Variants in SDK1 observed in about 807,000 individuals in gnomAD.
The protein encoded by SDK1 is sidekick cell adhesion molecule 1, also known as protein sidekick-1.
A neutral mutation model predicts 245.5 loss-of-function variants in SDK1; 157 were observed. The ratio of observed to expected loss-of-function variants is 0.64; its 90% CI spans 0.56 to 0.73. The LOEUF is 0.73. Among genes scored for constraint, SDK1 ranks in the 30% least tolerant of loss-of-function variants. SDK1 has a pLI of 0.00. For missense variants in SDK1, 3,583 were observed against 3,002.3 expected (o/e 1.19, Z -4.52); for synonymous variants, 1,647 against 1,278.5 (o/e 1.29, Z -6.15).
intron 13 of SDK1, chr7:3,974,775 G>T (rs552579166): frequency 1.5e-5 from 7 of 472,164 alleles, no homozygotes; most frequent in Admixed American, 1.1e-4. Context: ...GTGATCATTG[G>T]TTTTTATTTC....
intron 4 of SDK1, among the ~76,000 whole-genome samples, chr7:3,733,135 A>G (rs955437681): frequency 6.6e-6 from 1 of 152,226 alleles, no homozygotes; most frequent in African/African-American, 2.4e-5. Context: ...TTTCTTGGAA[A>G]GAACGTTAGG....
chr7:3,986,707 A>G (rs1307740898), intron 13 of SDK1, among the ~76,000 whole-genome samples: 5 of 152,160 alleles, frequency 3.3e-5, no homozygotes, highest in Admixed American at 6.5e-5. Flanking sequence ...CTAAAAATAC[A>G]AAAATTAGCT....
intron 1 of SDK1, among the ~76,000 whole-genome samples, chr7:3,551,954 A>C (rs1269540925): frequency 6.6e-6 from 1 of 152,208 alleles, no homozygotes; most frequent in Non-Finnish European, 1.5e-5. Context: ...TTAATTGAGA[A>C]AATTAAGTAT....
chr7:3,448,292 A>G (rs563711778), intron 1 of SDK1, among the ~76,000 whole-genome samples: 6 of 152,024 alleles, frequency 3.9e-5, no homozygotes, highest in Non-Finnish European at 7.4e-5. Flanking sequence ...TTTATTGGCC[A>G]TTTCAGTTTT....
At chr7:3,463,016 C>G (rs1442953491) in intron 1 of SDK1, among the ~76,000 whole-genome samples, 1 of 152,176 alleles carries the variant, frequency 6.6e-6, no homozygotes, top group Non-Finnish European at 1.5e-5. Context: ...CCCTTCCTTT[C>G]CTCTGAGAGG....
intron 4 of SDK1, among the ~76,000 whole-genome samples, chr7:3,788,172 C>T (rs566544662): frequency 2.0e-5 from 3 of 152,236 alleles, no homozygotes; most frequent in East Asian, 3.9e-4. Flanking sequence ...AGAGAGTGCT[C>T]GGGCACCAGC....
At chr7:3,959,779 A>G (rs1473751354) in intron 8 of SDK1, among the ~76,000 whole-genome samples, 1 of 151,976 alleles carries the variant, frequency 6.6e-6, no homozygotes, top group Non-Finnish European at 1.5e-5. Flanking sequence ...TAGTATTTGA[A>G]TAGGAAATGT....
At chr7:3,588,217 G>T (rs114020407) in intron 1 of SDK1, among the ~76,000 whole-genome samples, 4 of 152,168 alleles carry the variant, frequency 2.6e-5, no homozygotes, top group Admixed American at 2.0e-4. Context: ...AAACATACCT[G>T]TTACTTAGGT....
chr7:4,265,352 A>C lies in SDK1; in HGVS notation c.6610A>C (p.Thr2204Pro). 1.4e-6 allele frequency: 2 copies of C among 1,457,420 alleles called. No homozygotes were observed. Among genetic ancestry groups the C allele is most frequent in the Non-Finnish European group, 1.8e-6 (2 of 1,117,750 alleles). 90.3% of individuals were successfully genotyped at this position (1,457,420 alleles called of 1,614,324 possible). A position where few individuals can be genotyped will look rare whatever the true frequency, so the allele number is the denominator to read the frequency against. The change falls in exon 45 of 45, where the codon ACT becomes CCT. Residue 2204 changes from threonine to proline, a missense_variant. By Grantham distance (38) the Thr-to-Pro change is conservative (BLOSUM62 -1). Coordinates refer to ENST00000404826, the MANE Select transcript of SDK1 (RefSeq NM_152744.4). ...CACCCCCGCTGGCCCCGGCGCGCGA[A>C]CTCCGCTCACCGGCTTCTCCTCCTT... ...VYTPAGPGARTPLTGFSSFV is the reference protein window; with the variant it reads ...VYTPAGPGARPPLTGFSSFV
intron 1 of SDK1, among the ~76,000 whole-genome samples, chr7:3,421,667 C>A (rs571178803): frequency 5.0e-4 from 76 of 152,158 alleles, no homozygotes; most frequent in Non-Finnish European, 7.8e-4. Context: ...GAGAGTATCT[C>A]TAGGCAGTGA....
rs1779261699 is a variant in SDK1, at chr7:3,413,223, C to G, written c.298+111339C>G. 3.3e-5 allele frequency among the ~76,000 whole-genome samples: 5 copies of G among 152,038 alleles called. No homozygotes were observed. In the South Asian group the frequency reaches 1.0e-3, roughly 32 times the overall value. On this transcript the variant is annotated intron_variant, in intron 1 of 44. Coordinates refer to ENST00000404826, the MANE Select transcript of SDK1 (RefSeq NM_152744.4). ...CGAAGATCTTGAGCCAAGAGTAGGC[C>G]TAGTGGTTCTAGAAACAAACAGTAG...
chr7:3,842,210 C>T (rs1330940232), intron 5 of SDK1, among the ~76,000 whole-genome samples: 1 of 152,230 alleles, frequency 6.6e-6, no homozygotes, highest in Non-Finnish European at 1.5e-5. Flanking sequence ...GTGAGCAGTA[C>T]TTGCACCACC....
At chr7:3,470,412 A>C (rs952985347) in intron 1 of SDK1, among the ~76,000 whole-genome samples, 6 of 152,182 alleles carry the variant, frequency 3.9e-5, no homozygotes, top group Non-Finnish European at 8.8e-5. Context: ...TTAGTATAGA[A>C]ATATAAAATT....
chr7:4,135,099 C>T (rs1277664629), intron 28 of SDK1, among the ~76,000 whole-genome samples: 1 of 152,206 alleles, frequency 6.6e-6, no homozygotes, highest in African/African-American at 2.4e-5. Flanking sequence ...TCCACTGAGC[C>T]CATCAGCTGG....
At chr7:3,899,533 A>T (rs1400823692) in intron 5 of SDK1, among the ~76,000 whole-genome samples, 2 of 152,260 alleles carry the variant, frequency 1.3e-5, no homozygotes, top group African/African-American at 4.8e-5. Flanking sequence ...GAAAAGGCTC[A>T]GAAAGTCCTC....
chr7:4,205,484 C>A (rs1341505360), intron 35 of SDK1, among the ~76,000 whole-genome samples: 1 of 152,198 alleles, frequency 6.6e-6, no homozygotes, highest in East Asian at 1.9e-4. Flanking sequence ...ACCATCAGAC[C>A]AGCCCCTAAG....
intron 1 of SDK1, among the ~76,000 whole-genome samples, chr7:3,312,761 C>G (rs1779580658): frequency 6.6e-6 from 1 of 151,984 alleles, no homozygotes; most frequent in Non-Finnish European, 1.5e-5. Flanking sequence ...ATGAGGAAGT[C>G]TCATATTACC....
chr7:3,448,448 T>C (rs888357419), intron 1 of SDK1, among the ~76,000 whole-genome samples: 1 of 152,036 alleles, frequency 6.6e-6, no homozygotes, highest in Non-Finnish European at 1.5e-5. Flanking sequence ...TATGTATTTT[T>C]GAAGTGGTTT....
At chr7:3,455,898 A>C (rs143034724) in intron 1 of SDK1, among the ~76,000 whole-genome samples, 65 of 152,332 alleles carry the variant, frequency 4.3e-4, no homozygotes, top group Non-Finnish European at 8.7e-4. Context: ...GTGACATTCT[A>C]TGCATATAAG....
Sources: allele counts gnomAD v4.1 joint callset (sites outside exome capture counted in the v4.1 genomes callset), GRCh38; gene constraint gnomAD v4.1.1; transcripts MANE v1.5; gene names NCBI Gene and HGNC (gene_info 2026-07-23, HGNC 2026-07-21).